The following RPS6KA2 variants were observed in gnomAD, a reference collection of about 807,000 sequenced individuals.
RPS6KA2 encodes the protein ribosomal protein S6 kinase alpha-2.
RPS6KA2 carries 42 observed loss-of-function variants against 91.8 expected under a neutral mutation model. The observed-to-expected ratio is 0.46, with a 90% CI of 0.36 to 0.59. The LOEUF (loss-of-function observed/expected upper bound fraction) is 0.59, where lower values mean the gene tolerates loss of function less well. Ranked by LOEUF, RPS6KA2 falls within the 20% of genes least tolerant of loss-of-function variation. The probability of loss-of-function intolerance (pLI) is 0.00; values close to 1 mark genes in which losing one functional copy is unlikely to be tolerated. For missense variants in RPS6KA2, 798 were observed against 978.5 expected (o/e 0.82, Z 2.46); for synonymous variants, 414 against 393.6 (o/e 1.05, Z -0.61).
intron 2 of RPS6KA2, among the ~76,000 whole-genome samples, chr6:166,637,175 C>A (rs1787272498): frequency 6.6e-6 from 1 of 152,174 alleles, no homozygotes. Flanking sequence ...CCACTGGGAC[C>A]ATCTGGAGGG....
chr6:166,657,027 C>A (rs1788022528), intron 2 of RPS6KA2, among the ~76,000 whole-genome samples: 1 of 152,118 alleles, frequency 6.6e-6, no homozygotes, highest in Non-Finnish European at 1.5e-5. Flanking sequence ...ACCTTGAACT[C>A]TCCTAGCTGC....
chr6:166,859,674 T>C (rs558396099), intron 1 of RPS6KA2, among the ~76,000 whole-genome samples: 1 of 151,562 alleles, frequency 6.6e-6, no homozygotes, highest in Non-Finnish European at 1.5e-5. Context: ...ATAAACTGTA[T>C]TTAGTGTTCT....
intron 2 of RPS6KA2, among the ~76,000 whole-genome samples, chr6:166,649,267 T>A (rs149195621): frequency 3.9e-5 from 6 of 152,194 alleles, no homozygotes; most frequent in African/African-American, 9.7e-5. Flanking sequence ...TCTTCTTAGA[T>A]CATCTATCCA....
chr6:166,538,814 C>T (rs1285050209), intron 1 of RPS6KA2, 30 bp from the exon 2 acceptor site: 15 of 1,236,912 alleles, frequency 1.2e-5, no homozygotes, highest in Non-Finnish European at 3.6e-6. Flanking sequence ...GTGAGAAACA[C>T]ACCGCGAGGA....
chr6:166,512,880 T>C (rs1481725931), intron 3 of RPS6KA2, among the ~76,000 whole-genome samples: 2 of 152,178 alleles, frequency 1.3e-5, no homozygotes, highest in Non-Finnish European at 2.9e-5. Context: ...TCCCCTTTTT[T>C]TCTTTTTCTT....
intron 2 of RPS6KA2, among the ~76,000 whole-genome samples, chr6:166,676,754 G>A (rs1174335995): frequency 1.3e-5 from 2 of 152,160 alleles, no homozygotes; most frequent in African/African-American, 2.4e-5. Context: ...TGCTCCCAAC[G>A]TCTACATATT....
chr6:166,557,409 G>A lies in RPS6KA2; in HGVS notation c.100-18625C>T, dbSNP rs535920945. 6.6e-6 allele frequency among the ~76,000 whole-genome samples: 1 copy of A among 152,346 alleles called. No homozygotes were observed. Among genetic ancestry groups the A allele is most frequent in the African/African-American group, 2.4e-5 (1 of 41,582 alleles). ...GCCGGGGTCACTCTGAAAATGAACT[G>A]TTCTCCCACTGAGCTGTGCCTCAAC... On this transcript the variant is annotated intron_variant, in intron 1 of 20. Coordinates refer to ENST00000265678, the MANE Select transcript of RPS6KA2 (RefSeq NM_021135.6). This position sits in a 1 kb window ranked among gnomAD's most constrained non-coding sequence, Gnocchi z 4.8.
chr6:166,439,297 G>A (rs1457380205), intron 14 of RPS6KA2, among the ~76,000 whole-genome samples: 7 of 152,096 alleles, frequency 4.6e-5, no homozygotes, highest in Admixed American at 3.3e-4. Flanking sequence ...TAGTAGAGAC[G>A]GGGCTTCGCC....
chr6:166,523,746 C>T (rs544386521), intron 3 of RPS6KA2, among the ~76,000 whole-genome samples: 1 of 152,260 alleles, frequency 6.6e-6, no homozygotes, highest in South Asian at 2.1e-4. Flanking sequence ...CCAGATTGAT[C>T]GGAGCTGAGT....
chr6:166,458,278 C>G (rs1780168517), intron 12 of RPS6KA2, among the ~76,000 whole-genome samples: 1 of 152,088 alleles, frequency 6.6e-6, no homozygotes, highest in Admixed American at 6.5e-5. Flanking sequence ...GTGGGTCTTT[C>G]CTGTGCTGTT....
Position 166,626,323 on chromosome 6 carries a change from C to A in RPS6KA2, c.99+598G>T, listed in dbSNP as rs1174652210. Among the ~76,000 whole-genome samples the A allele has an allele frequency of 1.3e-5, 2 of 152,358 alleles. No homozygotes were observed. The highest frequency in any genetic ancestry group is 3.9e-4 in the East Asian group (2 of 5,188). ...TTTCAGGACGAATCTGTATCAGCCT[C>A]GGCGCTGCGAGGATATTGCATCAGG... On this transcript the variant is annotated intron_variant, in intron 1 of 20. Coordinates refer to ENST00000265678, the MANE Select transcript of RPS6KA2 (RefSeq NM_021135.6). This position sits in a 1 kb window ranked among gnomAD's most constrained non-coding sequence, Gnocchi z 4.1.
chr6:166,572,887 T>C (rs943785498), intron 1 of RPS6KA2, among the ~76,000 whole-genome samples: 5 of 152,228 alleles, frequency 3.3e-5, no homozygotes, highest in Non-Finnish European at 7.3e-5. Context: ...TACCCCTGCC[T>C]GCTGAAGAAG....
At chr6:166,478,915 G>C (rs1781082803) in intron 10 of RPS6KA2, among the ~76,000 whole-genome samples, 1 of 152,352 alleles carries the variant, frequency 6.6e-6, no homozygotes, top group African/African-American at 2.4e-5. Context: ...AAATAAGCAA[G>C]CACAGAGAGG....
At chr6:166,847,304 G>C (rs572620788) in intron 2 of RPS6KA2, among the ~76,000 whole-genome samples, 7 of 152,274 alleles carry the variant, frequency 4.6e-5, no homozygotes, top group Middle Eastern at 3.4e-3. Context: ...TGGATAGGTA[G>C]AATTAATATT....
intron 2 of RPS6KA2, among the ~76,000 whole-genome samples, chr6:166,800,794 G>A (rs1279106347): frequency 1.3e-5 from 2 of 152,078 alleles, no homozygotes; most frequent in Non-Finnish European, 2.9e-5. Context: ...CAACTCAATC[G>A]TTTCCTTAAC....
chr6:166,416,205 A>C (rs1562478760), intron 19 of RPS6KA2, among the ~76,000 whole-genome samples: 145 of 150,840 alleles, frequency 9.6e-4, no homozygotes, highest in Middle Eastern at 3.4e-3. Flanking sequence ...CATCAACCCT[A>C]CCATCACCCT....
chr6:166,586,458 G>A (rs1322815989), intron 1 of RPS6KA2: 12 of 1,598,660 alleles, frequency 7.5e-6, no homozygotes, highest in Admixed American at 3.3e-5. Flanking sequence ...ATTTGGAACA[G>A]CTTCGGCAGT....
At chr6:166,623,257 T>A (rs1405642775) in intron 1 of RPS6KA2, among the ~76,000 whole-genome samples, 1 of 150,398 alleles carries the variant, frequency 6.6e-6, no homozygotes, top group African/African-American at 2.5e-5. Context: ...CTTGAGTTAA[T>A]AATCTCACTT....
chr6:166,684,589 C>T (rs1018924208), intron 2 of RPS6KA2, among the ~76,000 whole-genome samples: 4 of 152,132 alleles, frequency 2.6e-5, no homozygotes, highest in African/African-American at 9.7e-5. Context: ...ACCAGGAAGA[C>T]CAGAGACCAA....
Sources: allele counts gnomAD v4.1 joint callset (sites outside exome capture counted in the v4.1 genomes callset), GRCh38; gene constraint gnomAD v4.1.1; non-coding constraint Gnocchi (gnomAD v3.1); transcripts MANE v1.5; gene names NCBI Gene and HGNC (gene_info 2026-07-23, HGNC 2026-07-21).